PDXDC1: variants seen among roughly 807,000 people sequenced by gnomAD.
The protein encoded by PDXDC1 is pyridoxal dependent decarboxylase domain containing 1.
PDXDC1 carries 42 observed loss-of-function variants against 100.1 expected under a neutral mutation model. That is an observed-to-expected ratio of 0.42 (90% CI 0.33 to 0.54). The LOEUF is 0.54. Among genes scored for constraint, PDXDC1 ranks in the 20% least tolerant of loss-of-function variants. The pLI is 0.10. For missense variants in PDXDC1, 636 were observed against 979.2 expected (o/e 0.65, Z 4.68); for synonymous variants, 260 against 371.7 (o/e 0.70, Z 3.46).
rs1972359219 is a variant in PDXDC1, at chr16:14,997,955, T to C, written c.95+129T>C. The C allele has an allele frequency of 5.0e-5, 49 of 989,506 alleles. No homozygotes were observed. The South Asian group carries it at 5.3e-4, about 11-fold the overall frequency. The allele number at this position is 989,506 out of a possible 1,614,324, so 61.3% of individuals were successfully genotyped here. ...CACACAGCTTTGGCTGACTTGAAAA[T>C]TGGTATTTGTCTTGGGTAAAAGGTG... On this transcript the variant is annotated intron_variant, in intron 2 of 22. Coordinates refer to ENST00000396410, the MANE Select transcript of PDXDC1 (RefSeq NM_015027.4).
chr16:15,147,021 C>T, the PDXDC1 span, among the ~76,000 whole-genome samples: 3 of 152,018 alleles, frequency 2.0e-5, no homozygotes, highest in African/African-American at 7.3e-5. Flanking sequence ...GGTTCCCAGC[C>T]TCCTTCCTGA....
chr16:15,125,691 C>G (rs1490941590), intron 16 of PDXDC1: 2 of 1,369,710 alleles, frequency 1.5e-6, no homozygotes, highest in East Asian at 2.3e-5. Flanking sequence ...GAGCCCTCAC[C>G]TCAGCGTGGA....
chr16:15,058,912 C>A (rs1262380951), intron 16 of PDXDC1, among the ~76,000 whole-genome samples: 1 of 152,170 alleles, frequency 6.6e-6, no homozygotes, highest in Non-Finnish European at 1.5e-5. Flanking sequence ...AGATTACAGG[C>A]ATGAGCTACC....
chr16:15,092,530 T>G (rs767156204), intron 16 of PDXDC1: 2 of 1,612,814 alleles, frequency 1.2e-6, no homozygotes, highest in South Asian at 1.1e-5. Flanking sequence ...TCAGCAAGAC[T>G]TCTGTCACAG....
intron 16 of PDXDC1, chr16:15,127,844 C>T (rs755935584): frequency 2.2e-5 from 35 of 1,565,884 alleles, no homozygotes; most frequent in African/African-American, 1.9e-4. Context: ...TCAAAGAAGC[C>T]GCACTGCAGC....
At chr16:15,094,156 C>G (rs750002202) in intron 16 of PDXDC1, 3 of 1,599,696 alleles carry the variant, frequency 1.9e-6, no homozygotes, top group Non-Finnish European at 2.6e-6. Context: ...CAGTCCTCGA[C>G]GCGCCCAGCT....
chr16:15,004,833 TTACATATAATACCTAA>T (rs1481247328), intron 5 of PDXDC1, among the ~76,000 whole-genome samples: 1 of 152,276 alleles, frequency 6.6e-6, no homozygotes, highest in Non-Finnish European at 1.5e-5. Flanking sequence ...AATCTCTTGA[TTACATATAATACCTAA>T]TACGATGTAA....
chr16:15,069,864 G>A (rs1035581777), intron 16 of PDXDC1, among the ~76,000 whole-genome samples: 2 of 152,152 alleles, frequency 1.3e-5, no homozygotes, highest in African/African-American at 4.8e-5. Context: ...CCATCTTAAG[G>A]GGTTTGTAGG....
At chr16:15,074,933 T>C in intron 16 of PDXDC1, 1 of 1,402,374 alleles carries the variant, frequency 7.1e-7, no homozygotes, top group Non-Finnish European at 9.7e-7. Flanking sequence ...AAAACTGTCA[T>C]AAGTGATTAT....
intron 16 of PDXDC1, among the ~76,000 whole-genome samples, chr16:15,070,527 C>T (rs1028543849): frequency 3.9e-5 from 6 of 152,076 alleles, no homozygotes; most frequent in Admixed American, 1.3e-4. Context: ...GCAGGTTCTC[C>T]TAACCATCTC....
At chr16:15,004,016 A>C (rs1973744466) in intron 4 of PDXDC1, among the ~76,000 whole-genome samples, 171 bp from the exon 5 acceptor site, 1 of 152,276 alleles carries the variant, frequency 6.6e-6, no homozygotes, top group African/African-American at 2.4e-5. Flanking sequence ...TCTCCATCTC[A>C]AAAAATAGAA....
intron 1 of PDXDC1, among the ~76,000 whole-genome samples, chr16:14,993,810 T>C (rs1466401623): frequency 6.6e-5 from 10 of 152,424 alleles, no homozygotes; most frequent in African/African-American, 9.6e-5. Context: ...ACCTGTTGTT[T>C]CCTGACTTTT....
chr16:15,044,289 A>G, intron 16 of PDXDC1: 1 of 1,344,588 alleles, frequency 7.4e-7, no homozygotes. Flanking sequence ...ATATGGGTAC[A>G]TATTTATGTC....
At chr16:14,989,970 GCAGA>G (rs1355176842) in intron 1 of PDXDC1, 1 of 1,461,048 alleles carries the variant, frequency 6.8e-7, no homozygotes, top group Non-Finnish European at 9.0e-7. Flanking sequence ...CTCCAGGCAG[GCAGA>G]CGGCTCGGTG....
chr16:15,092,904 C>T lies in PDXDC1; in HGVS notation c.1400-45975C>T, dbSNP rs1335431273. Among the ~76,000 whole-genome samples, 4 of 152,314 alleles carry T rather than the reference C, an allele frequency of 2.6e-5. No homozygotes were observed. In the East Asian group the frequency reaches 7.7e-4, roughly 29 times the overall value. ...TCATCTCCAACAACTTGTTTTACTA[C>T]AGCCATAACGTCTTTTCTGCTCTTC... On this transcript the variant is annotated intron_variant, in intron 16 of 16. Transcript: ENST00000535621.
chr16:15,110,037 C>T (rs1277714598), intron 16 of PDXDC1, among the ~76,000 whole-genome samples: 2 of 147,722 alleles, frequency 1.4e-5, no homozygotes, highest in Non-Finnish European at 3.0e-5. Context: ...ACCTGTAATC[C>T]CAGCTACTTG....
At chr16:15,101,192 T>A (rs112010331) in intron 16 of PDXDC1, among the ~76,000 whole-genome samples, 16 of 152,348 alleles carry the variant, frequency 1.1e-4, no homozygotes, top group African/African-American at 3.8e-4. Flanking sequence ...AGGTTCTCCG[T>A]AAATGACAGT....
At chr16:15,083,403 A>G in intron 16 of PDXDC1, 1 of 1,489,924 alleles carries the variant, frequency 6.7e-7, no homozygotes, top group Non-Finnish European at 9.0e-7. Flanking sequence ...GGTCTCAAAA[A>G]AGAAAAAGAA....
chr16:15,073,639 C>A (rs534561783), intron 16 of PDXDC1, among the ~76,000 whole-genome samples: 34 of 152,154 alleles, frequency 2.2e-4, no homozygotes, highest in Non-Finnish European at 3.7e-4. Flanking sequence ...TTCTATCATT[C>A]GTGTAGCAAA....
Sources: allele counts gnomAD v4.1 joint callset (sites outside exome capture counted in the v4.1 genomes callset), GRCh38; gene constraint gnomAD v4.1.1; transcripts MANE v1.5; gene names NCBI Gene and HGNC (gene_info 2026-07-23, HGNC 2026-07-21).